PRRC2B: variants seen among roughly 807,000 people sequenced by gnomAD.
PRRC2B encodes proline rich coiled-coil 2B.
In PRRC2B, 68 loss-of-function variants were observed where a neutral mutation model predicts 242.3. The ratio of observed to expected loss-of-function variants is 0.28; its 90% CI spans 0.23 to 0.34. The LOEUF is 0.34. Ranked by LOEUF, PRRC2B falls within the 10% of genes least tolerant of loss-of-function variation. The pLI, the probability that PRRC2B is intolerant of heterozygous loss-of-function variation, is 1.00. For synonymous variants in PRRC2B, 1,228 were observed against 1,173.6 expected, an observed-to-expected ratio of 1.05 and a Z score of -0.95; for missense variants, 2,835 against 2,954.8, an observed-to-expected ratio of 0.96 and a Z score of 0.94.
Position 131,475,748 on chromosome 9 carries a change from C to A in PRRC2B, c.3619C>A (p.Pro1207Thr). ...TCGGGCCTTTGGGCGAGCCCTCCCT[C>A]CCCGGCTGAGCAATTGCGGGTATGG... is the stretch of plus-strand genomic sequence containing the variant. The part of the protein sequence containing the change: ...GPRAFGRALP[P>T]RLSNCGYGRR... The change falls in exon 16 of 32, where the codon CCC (proline) becomes ACC (threonine). Residue 1207 changes from proline to threonine, a missense_variant. By Grantham distance (38) the Pro-to-Thr change is conservative. Coordinates refer to ENST00000683519, the MANE Select transcript of PRRC2B (RefSeq NM_013318.4). 1 of 1,613,456 alleles carries A rather than the reference C, an allele frequency of 6.2e-7. No individual in the cohort carries two copies. Among genetic ancestry groups the A allele is most frequent in the Non-Finnish European group, 8.5e-7 (1 of 1,179,740 alleles).
chr9:131,435,546 AAG>A (rs1266225309), intron 3 of PRRC2B, among the ~76,000 whole-genome samples: 2 of 151,414 alleles, frequency 1.3e-5, no homozygotes, highest in Admixed American at 6.6e-5. Context: ...ACCTGGGAGA[AAG>A]AGGTTGCAGT....
At chr9:131,430,516 TAG>T (rs1838112269) in intron 2 of PRRC2B, among the ~76,000 whole-genome samples, 3 of 17,826 alleles carry the variant, frequency 1.7e-4, no homozygotes, top group African/African-American at 2.8e-4. Context: ...TATCTATAGA[TAG>T]ATAGATAGAT....
intron 1 of PRRC2B, among the ~76,000 whole-genome samples, chr9:131,427,272 G>A (rs552178442): frequency 1.4e-4 from 21 of 152,124 alleles, no homozygotes; most frequent in African/African-American, 4.6e-4. Flanking sequence ...ACTTTTTTTG[G>A]CCCCTGTTTG....
intron 23 of PRRC2B, 84 bp downstream of exon 23, chr9:131,483,529 G>A (rs1943932877): frequency 5.1e-6 from 6 of 1,182,760 alleles, no homozygotes; most frequent in Non-Finnish European, 7.6e-6. Context: ...ATGTATTTCA[G>A]GCTGACCTGG....
intron 1 of PRRC2B, among the ~76,000 whole-genome samples, chr9:131,415,408 T>C (rs1837621055): frequency 6.6e-6 from 1 of 152,208 alleles, no homozygotes; most frequent in South Asian, 2.1e-4. Context: ...TGGGCTTCTC[T>C]TAGGCCAGGC....
chr9:131,462,786 C>T (rs1300071520), intron 11 of PRRC2B, among the ~76,000 whole-genome samples: 2 of 134,870 alleles, frequency 1.5e-5, no homozygotes, highest in South Asian at 2.4e-4. Flanking sequence ...TGCAGTGAGC[C>T]GAGATCATGC....
Position 131,474,927 on chromosome 9 carries a change from C to T in PRRC2B, c.2798C>T (p.Thr933Met), listed in dbSNP as rs368821312. 123 of 1,594,330 alleles carry T rather than the reference C, an allele frequency of 7.7e-5. No homozygotes were observed. The highest frequency in any genetic ancestry group is 9.4e-5 in the African/African-American group (7 of 74,436). The change falls in exon 16 of 32, where the codon ACG (threonine) becomes ATG (methionine). Residue 933 changes from threonine to methionine, a missense_variant. Thr to Met is a moderately conservative substitution (Grantham distance 81). Around this residue, in one of 7 missense-constraint regions of PRRC2B, gnomAD observed 1,536 missense variants for 1,483.1 expected, o/e 1.04. Transcript: ENST00000683519. ...RSSSSQHPEQ[T>M]GRTRRSGPIK... ...TCCAGCAGCCAGCACCCGGAGCAGA[C>T]GGGCAGGACCCGGAGGTCGGGACCC...
intron 2 of PRRC2B, among the ~76,000 whole-genome samples, chr9:131,430,503 A>G (rs893341595): frequency 5.5e-5 from 3 of 54,292 alleles, no homozygotes; most frequent in African/African-American, 9.7e-5. Context: ...ATATATCTAT[A>G]GATATCTATA....
At position 131,475,900 on chromosome 9, in the gene PRRC2B, A is replaced by C. The variant is rs767121735; in HGVS notation, c.3771A>C (p.Pro1257=). The C allele has an allele frequency of 6.2e-6, 10 of 1,613,904 alleles. No homozygotes were observed. The highest frequency in any genetic ancestry group is 8.5e-6 in the Non-Finnish European group (10 of 1,179,852). ...GACCTACAGACAGAGACTATGTCCC[A>C]GATTCCTACAGACACCCTGACGCAT... The part of the protein sequence containing the change: ...SRRPTDRDYV[P]DSYRHPDAFG... Residue 1257 remains proline, a synonymous_variant, in exon 16 of 32, where the codon CCA becomes CCC. Transcript: ENST00000683519.
intron 1 of PRRC2B, among the ~76,000 whole-genome samples, chr9:131,386,691 C>G (rs894137576): frequency 6.7e-6 from 1 of 150,034 alleles, no homozygotes; most frequent in Non-Finnish European, 1.5e-5. Context: ...ACCCATTCTG[C>G]CATTCAACAA....
In PRRC2B at chr9:131,464,787, C is replaced by T. The variant is rs772000942; in HGVS notation, c.1429C>T (p.Arg477Trp). ...YQKSSMGSMF[R>W]QQSIEDKEDK... is the part of the protein sequence containing the mutation. ...GAAGTCATCAATGGGCAGCATGTTC[C>T]GGCAACAGTCCATCGAGGACAAGGA... The change falls in exon 12 of 32, where the codon CGG (arginine) becomes TGG (tryptophan). Residue 477 changes from arginine to tryptophan, a missense_variant. Arg to Trp is a moderately radical substitution (Grantham distance 101). This residue lies in a region of PRRC2B where 626 missense variants were observed against 685.5 expected (regional missense o/e 0.91). Coordinates refer to ENST00000683519, the MANE Select transcript of PRRC2B (RefSeq NM_013318.4). The T allele has an allele frequency of 2.4e-5, 38 of 1,601,928 alleles. No homozygotes were observed. The highest frequency in any genetic ancestry group is 4.4e-5 in the South Asian group (4 of 90,154).
chr9:131,420,071 A>G (rs534732587), intron 1 of PRRC2B, among the ~76,000 whole-genome samples: 26 of 152,004 alleles, frequency 1.7e-4, no homozygotes, highest in Non-Finnish European at 3.5e-4. Flanking sequence ...CATACGCCTC[A>G]ATGCTTCTTT....
intron 25 of PRRC2B, chr9:131,485,648 G>A (rs369494157): frequency 1.3e-4 from 69 of 535,530 alleles, no homozygotes; most frequent in Non-Finnish European, 2.4e-4. Context: ...TGGGGGTTTT[G>A]AGGGCCCAGC....
At chr9:131,379,473 A>T (rs1306261784) in intron 1 of PRRC2B, among the ~76,000 whole-genome samples, 1 of 152,004 alleles carries the variant, frequency 6.6e-6, no homozygotes. Flanking sequence ...ATTTTTTTGG[A>T]TGATGGCCAT....
intron 13 of PRRC2B, among the ~76,000 whole-genome samples, chr9:131,468,116 C>T (rs1382933273): frequency 2.0e-5 from 3 of 152,170 alleles, no homozygotes; most frequent in Non-Finnish European, 2.9e-5. Context: ...GCACCTTGGA[C>T]GTTCCTTAGA....
At chr9:131,406,899 C>G (rs1837378475) in intron 1 of PRRC2B, among the ~76,000 whole-genome samples, 1 of 152,198 alleles carries the variant, frequency 6.6e-6, no homozygotes, top group Admixed American at 6.5e-5. Flanking sequence ...TTTATAATAT[C>G]AAGAGAGGAC....
intron 3 of PRRC2B, among the ~76,000 whole-genome samples, chr9:131,434,680 TAG>T (rs1165778845): frequency 6.6e-6 from 1 of 152,218 alleles, no homozygotes; most frequent in East Asian, 1.9e-4. Context: ...GGTGTCTGTA[TAG>T]AGTTTGGCTT....
chr9:131,447,574 T>A (rs986805834), intron 8 of PRRC2B, 88 bp from the exon 9 acceptor site: 2 of 1,247,976 alleles, frequency 1.6e-6, no homozygotes, highest in Non-Finnish European at 2.2e-6. Context: ...CATGAACCTT[T>A]GCAGTGTGGA....
chr9:131,483,490 TG>T, intron 23 of PRRC2B, 45 bp downstream of exon 23: 1 of 1,541,360 alleles, frequency 6.5e-7, no homozygotes, highest in South Asian at 1.1e-5. Flanking sequence ...TGCTTGGGGC[TG>T]GCAGGCCCTG....
Sources: gnomAD v4.1 joint callset for allele counts (sites outside exome capture counted in the v4.1 genomes callset) on GRCh38, gnomAD v4.1.1 for gene constraint, gnomAD v4.1.1 regional missense constraint, MANE v1.5 for transcripts, NCBI Gene and HGNC (gene_info 2026-07-23, HGNC 2026-07-21) for gene names.